SCMH1: variants seen among roughly 807,000 people sequenced by gnomAD.
SCMH1 encodes polycomb protein SCMH1.
A neutral mutation model predicts 70.8 loss-of-function variants in SCMH1; 37 were observed. The observed-to-expected ratio is 0.52, with a 90% CI of 0.40 to 0.69. SCMH1 has a LOEUF of 0.69. Ranked by LOEUF, SCMH1 falls within the 30% of genes least tolerant of loss-of-function variation. The pLI, the probability that SCMH1 is intolerant of heterozygous loss-of-function variation, is 0.00. For synonymous variants in SCMH1, 292 were observed against 307.4 expected, an observed-to-expected ratio of 0.95 and a Z score of 0.52; for missense variants, 607 against 827.3, an observed-to-expected ratio of 0.73 and a Z score of 3.27.
chr1:41,195,237 G>T (rs7546968), intron 1 of SCMH1, among the ~76,000 whole-genome samples: 1,642 of 147,650 alleles, frequency 0.011, 32 homozygotes, highest in African/African-American at 0.039. Flanking sequence ...AGATAATACC[G>T]ATCATACAGA....
intron 7 of SCMH1, 137 bp downstream of exon 7, chr1:41,116,785 C>T (rs1373949626): frequency 7.4e-6 from 4 of 542,334 alleles, no homozygotes; most frequent in Non-Finnish European, 1.3e-5. Flanking sequence ...ATAATTGCTG[C>T]TTCATAAGCT....
At chr1:41,027,859 G>C in exon 15 of SCMH1, 1 of 289,300 alleles carries the variant, frequency 3.5e-6, no homozygotes, top group Non-Finnish European at 6.5e-6. Flanking sequence ...GACCAGGACA[G>C]AGTTGGCCTT....
chr1:41,223,414 C>T (rs1475522200), intron 1 of SCMH1, among the ~76,000 whole-genome samples: 1 of 152,066 alleles, frequency 6.6e-6, no homozygotes, highest in Non-Finnish European at 1.5e-5. Context: ...TACTTTGGGT[C>T]CTCTCTGAGC....
chr1:41,121,021 T>C (rs1238325573), intron 6 of SCMH1, among the ~76,000 whole-genome samples: 1 of 152,188 alleles, frequency 6.6e-6, no homozygotes, highest in African/African-American at 2.4e-5. Context: ...CAGTTTCTGG[T>C]GCCAGACTGC....
intron 1 of SCMH1, among the ~76,000 whole-genome samples, chr1:41,190,652 T>C (rs1651474148): frequency 6.6e-6 from 1 of 152,198 alleles, no homozygotes; most frequent in Admixed American, 6.5e-5. Context: ...AGTTTAGGTT[T>C]TGTAGCATGG....
intron 2 of SCMH1, among the ~76,000 whole-genome samples, chr1:41,177,434 A>G (rs1647278350): frequency 6.6e-6 from 1 of 152,182 alleles, no homozygotes; most frequent in Non-Finnish European, 1.5e-5. Context: ...AGACGATCAA[A>G]CGACTCCGAG....
chr1:41,233,179 C>T (rs1661642493), intron 1 of SCMH1, among the ~76,000 whole-genome samples: 1 of 152,140 alleles, frequency 6.6e-6, no homozygotes, highest in Non-Finnish European at 1.5e-5. Context: ...AATCAGGACT[C>T]TTAATCCCTA....
chr1:41,149,039 C>A (rs1435205447), intron 5 of SCMH1, among the ~76,000 whole-genome samples: 1 of 152,140 alleles, frequency 6.6e-6, no homozygotes, highest in Non-Finnish European at 1.5e-5. Context: ...GATCCGCCCA[C>A]CTCAGCCTCC....
At chr1:41,123,417 C>T (rs1043876047) in intron 6 of SCMH1, among the ~76,000 whole-genome samples, 5 of 152,122 alleles carry the variant, frequency 3.3e-5, no homozygotes, top group East Asian at 1.9e-4. Context: ...ACACTGAGAT[C>T]GTGACTCACT....
intron 6 of SCMH1, among the ~76,000 whole-genome samples, chr1:41,122,579 G>A (rs557138561): frequency 1.3e-5 from 2 of 152,186 alleles, no homozygotes; most frequent in South Asian, 2.1e-4. Context: ...ATTGATGAAC[G>A]CTTTATTATG....
chr1:41,193,629 T>C lies in SCMH1; in HGVS notation c.-117-7379A>G, dbSNP rs899792928. On this transcript the variant is annotated intron_variant, in intron 1 of 14. Coordinates refer to ENST00000337495, the Ensembl canonical transcript of SCMH1. Reference sequence around the variant, plus strand: ...GGCATTCTTCCTAATTATGTGGAATTGAACATAGAAATGGAAAGGGACAAT... The same window carrying C: ...GGCATTCTTCCTAATTATGTGGAATCGAACATAGAAATGGAAAGGGACAAT... 3.9e-5 allele frequency among the ~76,000 whole-genome samples: 6 copies of C among 152,172 alleles called. 1 individual carries two copies. Among genetic ancestry groups the C allele is most frequent in the Admixed American group, 3.3e-4 (5 of 15,278 alleles).
At chr1:41,197,029 T>C (rs749918445) in intron 1 of SCMH1, among the ~76,000 whole-genome samples, 1 of 152,096 alleles carries the variant, frequency 6.6e-6, no homozygotes, top group Admixed American at 6.6e-5. Flanking sequence ...ATGGCTGTTA[T>C]GAAAAAAGAA....
At chr1:41,088,180 A>T (rs2148999545) in intron 8 of SCMH1, among the ~76,000 whole-genome samples, 1 of 152,254 alleles carries the variant, frequency 6.6e-6, no homozygotes, top group South Asian at 2.1e-4. Context: ...CTTTTGTGTA[A>T]GAAGGGTAGG....
intron 1 of SCMH1, among the ~76,000 whole-genome samples, chr1:41,235,465 G>A (rs1662172303): frequency 6.6e-6 from 1 of 150,454 alleles, no homozygotes; most frequent in Non-Finnish European, 1.5e-5. Context: ...CAGCTACTCA[G>A]AAGGCTGAGG....
intron 10 of SCMH1, among the ~76,000 whole-genome samples, chr1:41,051,745 GC>G (rs1235699410): frequency 1.3e-5 from 2 of 152,084 alleles, no homozygotes; most frequent in African/African-American, 4.8e-5. Flanking sequence ...TGTATTTTAA[GC>G]CAAGTGTTAT....
At chr1:41,142,695 T>C (rs1287022369) in intron 6 of SCMH1, among the ~76,000 whole-genome samples, 183 bp downstream of exon 6, 2 of 152,218 alleles carry the variant, frequency 1.3e-5, no homozygotes, top group Non-Finnish European at 2.9e-5. Flanking sequence ...TATCATAAGC[T>C]AATGTAGAGA....
chr1:41,163,424 C>G (rs1646204319), intron 2 of SCMH1, among the ~76,000 whole-genome samples: 1 of 152,182 alleles, frequency 6.6e-6, no homozygotes, highest in Admixed American at 6.5e-5. Context: ...TGGGCCCAAG[C>G]AAAACTCAGG....
chr1:41,094,829 C>A (rs902524486), intron 8 of SCMH1, among the ~76,000 whole-genome samples: 1 of 151,052 alleles, frequency 6.6e-6, no homozygotes, highest in African/African-American at 2.4e-5. Flanking sequence ...GCGGAGGTTG[C>A]AGTGAGCTGA....
chr1:41,029,684 T>C (rs1644254420), intron 13 of SCMH1, among the ~76,000 whole-genome samples: 1 of 152,196 alleles, frequency 6.6e-6, no homozygotes, highest in Non-Finnish European at 1.5e-5. Context: ...GCTTGGAATC[T>C]GTCCCCTTCT....
Sources: gnomAD v4.1 joint callset for allele counts (sites outside exome capture counted in the v4.1 genomes callset) on GRCh38, gnomAD v4.1.1 for gene constraint, MANE v1.5 for transcripts, NCBI Gene and HGNC (gene_info 2026-07-23, HGNC 2026-07-21) for gene names.